METTL16: variants seen among roughly 807,000 people sequenced by gnomAD.
METTL16 encodes methyltransferase 16, RNA N6-adenosine.
Under a neutral mutation model 57.9 loss-of-function variants are expected in METTL16, and 19 were observed. The ratio of observed to expected loss-of-function variants is 0.33; its 90% CI spans 0.23 to 0.48. The LOEUF is 0.48. Among genes scored for constraint, METTL16 ranks in the 20% least tolerant of loss-of-function variants. METTL16 has a pLI of 0.99. For synonymous variants in METTL16, 246 were observed against 255.6 expected (o/e 0.96, Z 0.36); for missense variants, 434 against 691.5 (o/e 0.63, Z 4.18).
At chr17:2,497,069 A>G (rs8074405) in intron 2 of METTL16, among the ~76,000 whole-genome samples, 141,188 of 151,494 alleles carry the variant, frequency 0.93, 66,020 homozygotes, top group African/African-American at 0.98. Context: ...GCAGTGGCAC[A>G]ATCTCGGCTC....
intron 8 of METTL16, among the ~76,000 whole-genome samples, chr17:2,435,034 T>C (rs1190624833): frequency 1.3e-5 from 2 of 152,254 alleles, no homozygotes; most frequent in Non-Finnish European, 2.9e-5. Context: ...AGTGGCTTGT[T>C]AGAATTCTGC....
At chr17:2,429,484 G>T (rs575541004) in intron 8 of METTL16, among the ~76,000 whole-genome samples, 1 of 150,314 alleles carries the variant, frequency 6.7e-6, no homozygotes, top group Non-Finnish European at 1.5e-5. Context: ...CACTGTGCTC[G>T]GCCAAGAATC....
At chr17:2,507,976 G>T (rs1191244372) in intron 1 of METTL16, among the ~76,000 whole-genome samples, 2 of 152,120 alleles carry the variant, frequency 1.3e-5, no homozygotes, top group Non-Finnish European at 2.9e-5. Context: ...AGTACCCAGG[G>T]ACACAAACAC....
intron 4 of METTL16, among the ~76,000 whole-genome samples, chr17:2,468,977 A>G (rs1289507208): frequency 1.3e-5 from 2 of 151,114 alleles, no homozygotes; most frequent in Admixed American, 6.6e-5. Context: ...GCTCATGCCT[A>G]TAATTCCAAC....
At chr17:2,465,924 G>A (rs2067191518) in intron 5 of METTL16, among the ~76,000 whole-genome samples, 3 of 151,752 alleles carry the variant, frequency 2.0e-5, no homozygotes, top group Non-Finnish European at 4.4e-5. Flanking sequence ...CGGGTGTGAT[G>A]GCTTACACCT....
intron 7 of METTL16, among the ~76,000 whole-genome samples, chr17:2,440,895 C>T (rs1452738369): frequency 6.8e-5 from 10 of 146,332 alleles, no homozygotes. Context: ...TGGGTTGAGC[C>T]CAGGAGTTCA....
chr17:2,485,962 G>A (rs1372768907), intron 2 of METTL16, among the ~76,000 whole-genome samples: 1 of 152,098 alleles, frequency 6.6e-6, no homozygotes, highest in African/African-American at 2.4e-5. Flanking sequence ...ACTGACAATG[G>A]AAGAAAAATT....
chr17:2,470,075 T>TCC (rs1162417873), intron 4 of METTL16, among the ~76,000 whole-genome samples: 2 of 152,200 alleles, frequency 1.3e-5, no homozygotes, highest in East Asian at 3.9e-4. Context: ...TATTTTATGG[T>TCC]GTTCCTGTTC....
intron 5 of METTL16, among the ~76,000 whole-genome samples, chr17:2,465,869 C>T (rs924243616): frequency 1.3e-5 from 2 of 149,782 alleles, no homozygotes; most frequent in African/African-American, 5.0e-5. Flanking sequence ...CCATTCCCCA[C>T]ACCCCCCGAC....
At chr17:2,493,975 T>A (rs1219674143) in intron 2 of METTL16, among the ~76,000 whole-genome samples, 1 of 152,162 alleles carries the variant, frequency 6.6e-6, no homozygotes, top group Non-Finnish European at 1.5e-5. Flanking sequence ...CCTCTTCCCA[T>A]CGCCTCACAG....
At chr17:2,466,338 G>GCT (rs1224860483) in intron 5 of METTL16, among the ~76,000 whole-genome samples, 1 of 152,010 alleles carries the variant, frequency 6.6e-6, no homozygotes. Flanking sequence ...GAAGAAAAAA[G>GCT]CTCTCTCCTC....
At chr17:2,422,460 A>G (rs1597434622) in intron 8 of METTL16, among the ~76,000 whole-genome samples, 1 of 151,794 alleles carries the variant, frequency 6.6e-6, no homozygotes, top group East Asian at 2.0e-4. Context: ...GGCTCACTGC[A>G]ACCTCCACCT....
intron 1 of METTL16, among the ~76,000 whole-genome samples, chr17:2,503,778 A>C (rs2067508830): frequency 6.6e-6 from 1 of 152,150 alleles, no homozygotes. Context: ...TGGATAAACA[A>C]AACATGGTAT....
intron 1 of METTL16, among the ~76,000 whole-genome samples, chr17:2,505,395 A>ATTTTTTT (rs564797281): frequency 5.9e-5 from 3 of 50,590 alleles, no homozygotes; most frequent in African/African-American, 1.9e-4. Flanking sequence ...GCCCAGAGGC[A>ATTTTTTT]TTTTTTTTTT....
intron 2 of METTL16, among the ~76,000 whole-genome samples, chr17:2,497,878 C>T (rs1478728373): frequency 6.6e-6 from 1 of 151,610 alleles, no homozygotes; most frequent in Admixed American, 6.6e-5. Context: ...AGGTATGAGG[C>T]ACTGCGCTTG....
At chr17:2,476,336 C>A (rs1228300035) in intron 3 of METTL16, among the ~76,000 whole-genome samples, 1 of 152,116 alleles carries the variant, frequency 6.6e-6, no homozygotes, top group Non-Finnish European at 1.5e-5. Flanking sequence ...GTTGGGAAAT[C>A]GTCATAGAAG....
At chr17:2,500,577 C>T (rs761809702) in intron 2 of METTL16, among the ~76,000 whole-genome samples, 2 of 152,052 alleles carry the variant, frequency 1.3e-5, no homozygotes, top group Non-Finnish European at 1.5e-5. Context: ...CCACCGCGCC[C>T]GGCCACTATT....
rs747431641 is a variant in METTL16 at position 2,420,709 on chromosome 17, G to C, written c.1062+22C>G. On this transcript the variant is annotated intron_variant, in intron 9 of 9. Coordinates refer to ENST00000263092, the MANE Select transcript of METTL16 (RefSeq NM_024086.4). This position sits in a 1 kb window ranked among gnomAD's most constrained non-coding sequence, Gnocchi z 5.4. ...AGAGAAGGATCATTATGAGTACTTC[G>C]TCAATATGGTTAAGCAGGTACCTTC... 47 of 1,592,464 alleles carry C rather than the reference G, an allele frequency of 3.0e-5. No individual in the cohort carries two copies. The highest frequency in any genetic ancestry group is 3.8e-5 in the Non-Finnish European group (45 of 1,172,012).
chr17:2,491,077 C>T (rs1269025990), intron 2 of METTL16, among the ~76,000 whole-genome samples: 1 of 152,106 alleles, frequency 6.6e-6, no homozygotes, highest in Non-Finnish European at 1.5e-5. Flanking sequence ...TCAAGTCACT[C>T]GACTTCACTA....
Sources: allele counts gnomAD v4.1 joint callset (sites outside exome capture counted in the v4.1 genomes callset), GRCh38; gene constraint gnomAD v4.1.1; non-coding constraint Gnocchi (gnomAD v3.1); transcripts MANE v1.5; gene names NCBI Gene and HGNC (gene_info 2026-07-23, HGNC 2026-07-21).